ANKRD30B: variants seen among roughly 807,000 people sequenced by gnomAD.
ANKRD30B encodes ankyrin repeat domain 30B.
ANKRD30B carries 144 observed loss-of-function variants against 202.2 expected under a neutral mutation model. The observed-to-expected ratio is 0.71, with a 90% CI of 0.62 to 0.82. ANKRD30B has a LOEUF of 0.82. ANKRD30B is among the 40% of genes least tolerant of loss of function. The pLI is 0.00. For synonymous variants in ANKRD30B, 508 were observed against 561.3 expected, an observed-to-expected ratio of 0.91 and a Z score of 1.34; for missense variants, 1,487 against 1,669.1, an observed-to-expected ratio of 0.89 and a Z score of 1.90.
Position 14,776,139 on chromosome 18 carries a change from T to C in ANKRD30B, c.1330-1846T>C, listed in dbSNP as rs533755972. On this transcript the variant is annotated intron_variant, in intron 9 of 43. Transcript: ENST00000690538. ...TTTCAGCAGGCTACTACTGCAGATT[T>C]TCCATAGAAATATAGCAGTTTGGAA... 3.3e-5 allele frequency among the ~76,000 whole-genome samples: 5 copies of C among 152,304 alleles called. No individual in the cohort carries two copies. The South Asian group carries it at 6.2e-4, about 19-fold the overall frequency.
the ANKRD30B span, among the ~76,000 whole-genome samples, chr18:14,929,949 C>T: frequency 1.3e-5 from 2 of 152,114 alleles, no homozygotes; most frequent in African/African-American, 4.8e-5. Context: ...GGAGTCCCAG[C>T]AAAAGCAGAC....
chr18:14,844,280 T>A (rs565428418), intron 39 of ANKRD30B, among the ~76,000 whole-genome samples: 2 of 152,374 alleles, frequency 1.3e-5, no homozygotes, highest in South Asian at 4.1e-4. Context: ...TGATTTTTGA[T>A]ATATTAGAAA....
At chr18:14,791,343 T>C in intron 15 of ANKRD30B, 58 bp from the exon 16 acceptor site, 2 of 1,403,652 alleles carry the variant, frequency 1.4e-6, no homozygotes, top group Non-Finnish European at 2.0e-6. Context: ...AAAATTTTGA[T>C]ACTCTTCATT....
the ANKRD30B span, among the ~76,000 whole-genome samples, chr18:14,882,395 C>A: frequency 1.3e-5 from 2 of 152,162 alleles, no homozygotes; most frequent in East Asian, 3.8e-4. Flanking sequence ...TATTTAAATT[C>A]CATGTATTTG....
chr18:14,859,072 G>T (rs1460881936), downstream of ANKRD30B, among the ~76,000 whole-genome samples: 4 of 133,668 alleles, frequency 3.0e-5, no homozygotes, highest in Non-Finnish European at 5.0e-5. Context: ...GGGTGGCCGG[G>T]CAGAGGCGCT....
chr18:14,903,166 T>C, the ANKRD30B span, among the ~76,000 whole-genome samples: 1 of 152,306 alleles, frequency 6.6e-6, no homozygotes, highest in Non-Finnish European at 1.5e-5. Flanking sequence ...TCTCTGTCTC[T>C]GTAGTCATGC....
At chr18:14,787,862 G>C (rs555036674) in intron 15 of ANKRD30B, among the ~76,000 whole-genome samples, 2 of 152,194 alleles carry the variant, frequency 1.3e-5, no homozygotes, top group African/African-American at 4.8e-5. Flanking sequence ...GAAGTCCATA[G>C]AGAGGTAGAT....
At chr18:14,828,226 AT>A (rs1277018944) in intron 32 of ANKRD30B, 51 bp from the exon 33 acceptor site, 7 of 1,360,882 alleles carry the variant, frequency 5.1e-6, no homozygotes, top group Admixed American at 4.6e-5. Context: ...AATATTCTGT[AT>A]TTTTTATTTA....
At chr18:14,765,184 G>T (rs1915913077) in intron 7 of ANKRD30B, among the ~76,000 whole-genome samples, 1 of 152,160 alleles carries the variant, frequency 6.6e-6, no homozygotes, top group Non-Finnish European at 1.5e-5. Flanking sequence ...TAGACCGCTG[G>T]GTGTGGTGGC....
chr18:14,856,552 C>A (rs1321688531), downstream of ANKRD30B, among the ~76,000 whole-genome samples: 1 of 127,434 alleles, frequency 7.8e-6, no homozygotes, highest in Non-Finnish European at 1.8e-5. Flanking sequence ...CAGGCAGAGG[C>A]GCTCCTCACT....
the ANKRD30B span, among the ~76,000 whole-genome samples, chr18:14,932,721 G>C: frequency 1.3e-5 from 2 of 152,154 alleles, no homozygotes; most frequent in Admixed American, 6.5e-5. Context: ...CTGCTCCCCA[G>C]TCCTGAAGAC....
intron 1 of ANKRD30B, among the ~76,000 whole-genome samples, chr18:14,750,306 T>C (rs1408063033): frequency 1.3e-5 from 2 of 152,184 alleles, no homozygotes; most frequent in Non-Finnish European, 2.9e-5. Flanking sequence ...TCTAAAAAAG[T>C]ACTTGGCCTC....
chr18:14,789,775 G>A (rs74824740), intron 15 of ANKRD30B, among the ~76,000 whole-genome samples: 77,321 of 151,906 alleles, frequency 0.51, 19,872 homozygotes, highest in Non-Finnish European at 0.53. Context: ...CCAGTACCAC[G>A]CTGTTTTGGT....
intron 28 of ANKRD30B, among the ~76,000 whole-genome samples, chr18:14,810,501 T>A (rs1269219791): frequency 6.6e-6 from 1 of 151,226 alleles, no homozygotes; most frequent in African/African-American, 2.4e-5. Context: ...TTTCAGTGGT[T>A]CAAATGCTGA....
At chr18:14,888,395 A>T in the ANKRD30B span, among the ~76,000 whole-genome samples, 1 of 152,034 alleles carries the variant, frequency 6.6e-6, no homozygotes, top group Admixed American at 6.6e-5. Context: ...AATCAAATGT[A>T]ACATACTCTT....
intron 8 of ANKRD30B, among the ~76,000 whole-genome samples, chr18:14,770,336 G>T (rs1966911221): frequency 6.6e-6 from 1 of 152,108 alleles, no homozygotes; most frequent in African/African-American, 2.4e-5. Context: ...CTGGAAAAAT[G>T]GTTGTTCAGA....
chr18:14,771,200 G>C (rs1266552635), intron 8 of ANKRD30B, among the ~76,000 whole-genome samples: 1 of 152,178 alleles, frequency 6.6e-6, no homozygotes, highest in Non-Finnish European at 1.5e-5. Flanking sequence ...TCAGTAGTCT[G>C]TGCTTTGATG....
At chr18:14,880,375 T>C in the ANKRD30B span, among the ~76,000 whole-genome samples, 2 of 152,158 alleles carry the variant, frequency 1.3e-5, no homozygotes, top group Non-Finnish European at 2.9e-5. Flanking sequence ...TTTCTTTTGG[T>C]TCCATATTAA....
At chr18:14,788,983 A>C (rs1244068331) in intron 15 of ANKRD30B, among the ~76,000 whole-genome samples, 1 of 152,018 alleles carries the variant, frequency 6.6e-6, no homozygotes, top group Non-Finnish European at 1.5e-5. Context: ...GACTTCCACA[A>C]TGGTTGAACT....
Sources: gnomAD v4.1 joint callset for allele counts (sites outside exome capture counted in the v4.1 genomes callset) on GRCh38, gnomAD v4.1.1 for gene constraint, MANE v1.5 for transcripts, NCBI Gene and HGNC (gene_info 2026-07-23, HGNC 2026-07-21) for gene names.